NADSYN1: variants seen among roughly 807,000 people sequenced by gnomAD.
NADSYN1 encodes the protein NAD synthetase 1, also known as glutamine-dependent NAD(+) synthetase.
Under a neutral mutation model 99.3 loss-of-function variants are expected in NADSYN1, and 80 were observed. That is an observed-to-expected ratio of 0.81 (90% confidence interval 0.67 to 0.97). The LOEUF (loss-of-function observed/expected upper bound fraction) is 0.97, where lower values mean the gene tolerates loss of function less well. Among genes scored for constraint, NADSYN1 ranks in the 50% least tolerant of loss-of-function variants. The pLI is 0.00. For missense variants in NADSYN1, 859 were observed against 948.5 expected (o/e 0.91, Z 1.24); for synonymous variants, 385 against 372.1 (o/e 1.03, Z -0.40).
At chr11:71,496,331 C>CA (rs1233097725) in intron 18 of NADSYN1, 1 of 152,274 alleles carries the variant, frequency 6.6e-6, no homozygotes, top group Non-Finnish European at 1.5e-5. Context: ...ATGTTTTCCA[C>CA]AAACAGAGGG....
chr11:71,476,815 C>T lies in NADSYN1; in HGVS notation c.799-1580C>T, dbSNP rs192112080. On this transcript the variant is annotated intron_variant, in intron 9 of 20. Transcript: ENST00000319023. ...CCCAGGACCCCCGCAGGTTCCCGGC[C>T]CCACATCAAGCCACCAAATCGGAGT... 1.2e-4 allele frequency: 118 copies of T among 985,796 alleles called. 2 individuals carry two copies. Among genetic ancestry groups the T allele is most frequent in the East Asian group, 1.0e-3 (9 of 8,800 alleles). The allele number at this position is 985,796 out of a possible 1,614,324, so 61.1% of individuals were successfully genotyped here.
chr11:71,482,987 G>C lies in NADSYN1; in HGVS notation c.1289G>C (p.Arg430Pro). The C allele has an allele frequency of 6.2e-7, 1 of 1,612,354 alleles. No individual in the cohort carries two copies. ...SKNSSQETCT[R>P]ARELAQQIGS... is the part of the protein sequence containing the mutation. ...AACTCCTCCCAGGAGACGTGCACCC[G>C]GGCCAGAGAGTTGGCCCAGCAGATT... is the stretch of plus-strand genomic sequence containing the variant. Residue 430 changes from arginine (R) to proline (P), a missense_variant, in exon 14 of 21, where the codon CGG (arginine) becomes CCG (proline). Transcript: ENST00000319023.
chr11:71,464,311 A>G (rs577765994), intron 5 of NADSYN1, 169 bp downstream of exon 5: 1 of 589,652 alleles, frequency 1.7e-6, no homozygotes, highest in Non-Finnish European at 2.9e-6. Context: ...GAATGAAGCA[A>G]CCAAAGGAGA....
chr11:71,487,460 T>C (rs1949749806), intron 16 of NADSYN1, among the ~76,000 whole-genome samples: 1 of 152,106 alleles, frequency 6.6e-6, no homozygotes, highest in Non-Finnish European at 1.5e-5. Flanking sequence ...ATTTAAAATG[T>C]TAACAAAGAA....
chr11:71,497,822 G>A (rs1192617400), intron 19 of NADSYN1, among the ~76,000 whole-genome samples: 5 of 151,452 alleles, frequency 3.3e-5, no homozygotes. Flanking sequence ...CCACAGCCAG[G>A]TAAACACGAC....
In NADSYN1 at chr11:71,484,458, C is replaced by A. The variant is rs750074641; in HGVS notation, c.1455+11C>A. 1.2e-6 allele frequency: 2 copies of A among 1,610,844 alleles called. No homozygotes were observed. Among genetic ancestry groups the A allele is most frequent in the Non-Finnish European group, 1.7e-6 (2 of 1,178,560 alleles). On this transcript the variant is annotated intron_variant, in intron 15 of 20. Coordinates refer to ENST00000319023, the MANE Select transcript of NADSYN1 (RefSeq NM_018161.5). ...CTGCAAAATGTGCAGGTGCCCCCGC[C>A]TGGGCCGGCGTCCCCTGGGGGTGGG... is the stretch of plus-strand genomic sequence containing the variant.
At chr11:71,474,794 C>G in intron 9 of NADSYN1, 1 of 448,420 alleles carries the variant, frequency 2.2e-6, no homozygotes, top group Non-Finnish European at 4.1e-6. Flanking sequence ...GGGGTCCCGC[C>G]TGCTCTGATG....
chr11:71,481,318 C>A (rs1176128700), intron 11 of NADSYN1, 38 bp from the exon 12 acceptor site: 1 of 1,610,980 alleles, frequency 6.2e-7, no homozygotes, highest in Non-Finnish European at 8.5e-7. Context: ...TGGGCAGGGG[C>A]CACCGCCTCC....
At chr11:71,468,121 C>T (rs546176113) in intron 5 of NADSYN1, among the ~76,000 whole-genome samples, 1 of 152,250 alleles carries the variant, frequency 6.6e-6, no homozygotes, top group East Asian at 1.9e-4. Context: ...TAAATGCATC[C>T]TTTAAGAACA....
At chr11:71,484,253 CGCACACACAT>C (rs1389125217) in intron 14 of NADSYN1, 49 bp from the exon 15 acceptor site, 12 of 1,584,546 alleles carry the variant, frequency 7.6e-6, no homozygotes, top group Non-Finnish European at 9.5e-6. Flanking sequence ...ACCGCTCATG[CGCACACACAT>C]GCACACACGT....
Position 71,501,538 on chromosome 11 carries a change from A to G in NADSYN1, c.*186A>G. 1.7e-6 allele frequency: 1 copy of G among 592,322 alleles called. No individual in the cohort carries two copies. The highest frequency in any genetic ancestry group is 2.9e-6 in the Non-Finnish European group (1 of 340,500). The allele number at this position is 592,322 out of a possible 1,614,324, so 36.7% of individuals were successfully genotyped here. On this transcript the variant is annotated 3_prime_UTR_variant, in exon 21 of 21. Transcript: ENST00000319023. ...GCTGGAATAAAGCCTGGGCTTAAAAAGAGGCTGGAATCCAATGCACATGAT... is the reference window on the plus strand; with the variant it reads ...GCTGGAATAAAGCCTGGGCTTAAAAGGAGGCTGGAATCCAATGCACATGAT...
chr11:71,465,031 C>G (rs1166656677), intron 5 of NADSYN1, among the ~76,000 whole-genome samples: 1 of 151,982 alleles, frequency 6.6e-6, no homozygotes, highest in Non-Finnish European at 1.5e-5. Context: ...TTTACCAAGA[C>G]AGTTGTAGGT....
At chr11:71,471,190 T>C (rs1949624610) in intron 5 of NADSYN1, among the ~76,000 whole-genome samples, 1 of 152,210 alleles carries the variant, frequency 6.6e-6, no homozygotes, top group Non-Finnish European at 1.5e-5. Flanking sequence ...GGGATGGTAT[T>C]CCTTTCATCC....
intron 16 of NADSYN1, among the ~76,000 whole-genome samples, chr11:71,485,994 T>C (rs1386720461): frequency 6.6e-6 from 1 of 152,182 alleles, no homozygotes; most frequent in African/African-American, 2.4e-5. Flanking sequence ...AGTTTTTACC[T>C]CCAAACCAGA....
At chr11:71,461,893 G>A (rs1195157753) in intron 3 of NADSYN1, among the ~76,000 whole-genome samples, 2 of 152,218 alleles carry the variant, frequency 1.3e-5, no homozygotes, top group Non-Finnish European at 2.9e-5. Flanking sequence ...GTGGGGACCT[G>A]AATCCAGAAC....
chr11:71,494,354 C>T (rs563497884), intron 18 of NADSYN1, among the ~76,000 whole-genome samples: 4 of 152,152 alleles, frequency 2.6e-5, no homozygotes, highest in Non-Finnish European at 5.9e-5. Flanking sequence ...ATGCTGTGCA[C>T]GTGTGTAGCC....
intron 17 of NADSYN1, 116 bp from the exon 18 acceptor site, chr11:71,491,718 G>C: frequency 1.1e-6 from 1 of 906,522 alleles, no homozygotes; most frequent in South Asian, 1.5e-5. Flanking sequence ...TCCTACCCAC[G>C]GTGAACGGAG....
At chr11:71,453,523 A>G in intron 1 of NADSYN1, 142 bp downstream of exon 1, 3 of 722,304 alleles carry the variant, frequency 4.2e-6, no homozygotes, top group East Asian at 2.8e-5. Context: ...ATAATGGGCA[A>G]TGACCCCGCC....
chr11:71,476,404 C>T (rs563140545), intron 9 of NADSYN1: 2 of 315,904 alleles, frequency 6.3e-6, no homozygotes, highest in Non-Finnish European at 1.2e-5. Flanking sequence ...GCTCCCGCTG[C>T]GTTCCCATCC....
Sources: allele counts gnomAD v4.1 joint callset (sites outside exome capture counted in the v4.1 genomes callset), GRCh38; gene constraint gnomAD v4.1.1; transcripts MANE v1.5; gene names NCBI Gene and HGNC (gene_info 2026-07-23, HGNC 2026-07-21).